Variants in ZFAT observed in about 807,000 individuals in gnomAD.
ZFAT encodes the protein zinc finger and AT-hook domain containing.
A neutral mutation model predicts 117.7 loss-of-function variants in ZFAT; 64 were observed. The observed-to-expected ratio is 0.54, with a 90% confidence interval of 0.44 to 0.67. The LOEUF is 0.67. ZFAT is among the 30% of genes least tolerant of loss of function. The pLI is 0.00. For synonymous variants in ZFAT, 679 were observed against 615.0 expected, an observed-to-expected ratio of 1.10 and a Z score of -1.54; for missense variants, 1,433 against 1,584.5, an observed-to-expected ratio of 0.90 and a Z score of 1.62.
intron 10 of ZFAT, among the ~76,000 whole-genome samples, chr8:134,572,906 C>T (rs1825029714): frequency 6.6e-6 from 1 of 152,048 alleles, no homozygotes; most frequent in Non-Finnish European, 1.5e-5. Context: ...CCCACAGGCC[C>T]AGATGGTAAA....
the ZFAT span, among the ~76,000 whole-genome samples, chr8:134,744,757 G>C: frequency 9.1e-6 from 1 of 109,760 alleles, no homozygotes; most frequent in Non-Finnish European, 1.9e-5. Context: ...TGAGACGGAG[G>C]CTTGCTCTGT....
intron 11 of ZFAT, among the ~76,000 whole-genome samples, chr8:134,535,142 A>AATGCTGGATCTCTCTAAG (rs1821735907): frequency 6.6e-6 from 1 of 152,284 alleles, no homozygotes; most frequent in African/African-American, 2.4e-5. Flanking sequence ...TTTAATGTGA[A>AATGCTGGATCTCTCTAAG]ATGCTGGATC....
chr8:134,654,722 C>A (rs916940377), intron 2 of ZFAT, among the ~76,000 whole-genome samples: 2 of 152,144 alleles, frequency 1.3e-5, no homozygotes, highest in East Asian at 3.9e-4. Flanking sequence ...AGGCCCAAGG[C>A]AAGAAAGCAA....
chr8:134,664,636 C>A (rs969373589), intron 1 of ZFAT, among the ~76,000 whole-genome samples: 1 of 152,222 alleles, frequency 6.6e-6, no homozygotes, highest in Non-Finnish European at 1.5e-5. Context: ...TGCCAAAGCA[C>A]ACAGAGAGGG....
chr8:134,643,409 G>A lies in ZFAT; in HGVS notation c.197-5697C>T, dbSNP rs561531004. ...TAGTCTCATGCAGTGACAAGCTTCA[G>A]TGTGATCCCACTCCCTGGGCTGGAA... On this transcript the variant is annotated intron_variant, in intron 2 of 15. Coordinates refer to ENST00000377838, the MANE Select transcript of ZFAT (RefSeq NM_020863.4). 2.3e-3 allele frequency among the ~76,000 whole-genome samples: 352 copies of A among 152,348 alleles called. 1 individual carries two copies. The highest frequency in any genetic ancestry group is 8.2e-3 in the African/African-American group (341 of 41,578).
chr8:134,761,982 A>ATGTG, the ZFAT span, among the ~76,000 whole-genome samples: 2,599 of 147,200 alleles, frequency 0.018, 63 homozygotes, highest in African/African-American at 0.051. Flanking sequence ...TTCTCTCTGT[A>ATGTG]TGTGTGTGTG....
chr8:134,749,670 A>G, the ZFAT span, among the ~76,000 whole-genome samples: 1 of 152,204 alleles, frequency 6.6e-6, no homozygotes, highest in African/African-American at 2.4e-5. Flanking sequence ...CAGTATGAGG[A>G]AGGAATAAAA....
intron 13 of ZFAT, among the ~76,000 whole-genome samples, chr8:134,517,328 G>C (rs1438403670): frequency 4.6e-5 from 7 of 152,036 alleles, no homozygotes; most frequent in African/African-American, 1.7e-4. Context: ...CTACACAGCA[G>C]GGTATTTTGA....
chr8:134,653,264 CT>C (rs150558948), intron 2 of ZFAT, among the ~76,000 whole-genome samples: 7 of 84,674 alleles, frequency 8.3e-5, no homozygotes, highest in East Asian at 4.5e-4. Flanking sequence ...ACCCAAATGT[CT>C]TTTTTAAAAA....
chr8:134,491,460 C>G (rs1324534701), intron 15 of ZFAT, among the ~76,000 whole-genome samples: 1 of 152,204 alleles, frequency 6.6e-6, no homozygotes, highest in Admixed American at 6.5e-5. Flanking sequence ...CAGCTTAAAA[C>G]AACACAAATG....
chr8:134,721,142 C>T, the ZFAT span, among the ~76,000 whole-genome samples: 1 of 152,158 alleles, frequency 6.6e-6, no homozygotes, highest in African/African-American at 2.4e-5. Flanking sequence ...GTGAGAGCAA[C>T]CACAGGAAAG....
At chr8:134,648,425 C>G (rs547317322) in intron 2 of ZFAT, among the ~76,000 whole-genome samples, 2 of 151,704 alleles carry the variant, frequency 1.3e-5, no homozygotes, top group Non-Finnish European at 2.9e-5. Context: ...GCTAAACTTA[C>G]CAAGAAAAAA....
At chr8:134,569,687 G>A (rs1287309701) in intron 10 of ZFAT, among the ~76,000 whole-genome samples, 1 of 152,094 alleles carries the variant, frequency 6.6e-6, no homozygotes, top group African/African-American at 2.4e-5. Context: ...GCAAGCATCT[G>A]AAAAGCAGCC....
chr8:134,593,090 C>T (rs1826648758), intron 7 of ZFAT, among the ~76,000 whole-genome samples: 1 of 152,124 alleles, frequency 6.6e-6, no homozygotes, highest in South Asian at 2.1e-4. Flanking sequence ...GCGAGATGCC[C>T]CGGGTCAGGC....
At chr8:134,678,413 T>C (rs200590070) in intron 1 of ZFAT, among the ~76,000 whole-genome samples, 1 of 152,020 alleles carries the variant, frequency 6.6e-6, no homozygotes. Context: ...TCAAGGAGAA[T>C]TATAAGCCAC....
the ZFAT span, among the ~76,000 whole-genome samples, chr8:134,752,300 A>T: frequency 2.0e-5 from 3 of 151,384 alleles, no homozygotes; most frequent in African/African-American, 7.3e-5. Flanking sequence ...AAACTTCTGA[A>T]CCTGCCACAA....
At chr8:134,791,816 G>A in the ZFAT span, among the ~76,000 whole-genome samples, 12 of 152,234 alleles carry the variant, frequency 7.9e-5, no homozygotes, top group South Asian at 8.3e-4. Context: ...GCCATGTTAC[G>A]CAGTTGTGGC....
In ZFAT at chr8:134,610,610, T is replaced by G. The variant is rs781589982; in HGVS notation, c.494A>C (p.Asp165Ala). The G allele has an allele frequency of 2.5e-6, 4 of 1,614,224 alleles. No individual in the cohort carries two copies. Among genetic ancestry groups the G allele is most frequent in the Non-Finnish European group, 2.5e-6 (3 of 1,180,046 alleles). ...TGGTCTTTTCGAGGCTTTTTCCCGATCATCTTCCTTACACTTCTTTTCTAG... is the reference window on the plus strand; with the variant it reads ...TGGTCTTTTCGAGGCTTTTTCCCGAGCATCTTCCTTACACTTCTTTTCTAG... ...LELEKKCKED[D>A]REKASKRPRS... Residue 165 changes from aspartate to alanine, a missense_variant, in exon 4 of 16, where the codon GAT becomes GCT. By Grantham distance (126) the Asp-to-Ala change is moderately radical (BLOSUM62 -2). This residue lies in a region of ZFAT where 436 missense variants were observed against 482.0 expected (regional missense o/e 0.90). Coordinates refer to ENST00000377838, the MANE Select transcript of ZFAT (RefSeq NM_020863.4).
At chr8:134,511,237 G>A (rs1317311114) in intron 14 of ZFAT, among the ~76,000 whole-genome samples, 1 of 152,164 alleles carries the variant, frequency 6.6e-6, no homozygotes, top group Non-Finnish European at 1.5e-5. Flanking sequence ...GAGTCTGAGA[G>A]TGAGAGTGTG....
Sources: allele counts gnomAD v4.1 joint callset (sites outside exome capture counted in the v4.1 genomes callset), GRCh38; gene constraint gnomAD v4.1.1; regional missense constraint gnomAD v4.1.1; transcripts MANE v1.5; gene names NCBI Gene and HGNC (gene_info 2026-07-23, HGNC 2026-07-21).